The following DIAPH2 variants were observed in gnomAD, a reference collection of about 807,000 sequenced individuals.
DIAPH2 encodes protein diaphanous homolog 2.
DIAPH2 carries 35 observed loss-of-function variants against 92.7 expected under a neutral mutation model. That is an observed-to-expected ratio of 0.38 (90% CI 0.29 to 0.50). DIAPH2 has a LOEUF of 0.50. Ranked by LOEUF, DIAPH2 falls within the 20% of genes least tolerant of loss-of-function variation. DIAPH2 has a pLI of 0.94. For missense variants in DIAPH2, 701 were observed against 819.5 expected (o/e 0.86, Z 1.77); for synonymous variants, 301 against 280.4 (o/e 1.07, Z -0.73).
intron 4 of DIAPH2, among the ~76,000 whole-genome samples, chrX:96,786,968 A>G (rs1360230164): frequency 3.6e-5 from 4 of 112,015 alleles, no homozygotes; most frequent in African/African-American, 6.5e-5. Context: ...TTTGATTTAT[A>G]TGCAAATATT....
chrX:97,352,376 A>G (rs182079184), intron 24 of DIAPH2, among the ~76,000 whole-genome samples: 4 of 111,383 alleles, frequency 3.6e-5, no homozygotes, highest in African/African-American at 1.3e-4. Context: ...AAATGAATGA[A>G]AGCAGAATTG....
At chrX:97,031,320 C>T (rs764620746) in intron 17 of DIAPH2, among the ~76,000 whole-genome samples, 1 of 76,533 alleles carries the variant, frequency 1.3e-5, no homozygotes, top group East Asian at 4.1e-4. Context: ...GAGGAATAAC[C>T]TTAGGCATTC....
intron 4 of DIAPH2, among the ~76,000 whole-genome samples, chrX:96,836,790 C>G (rs1188341271): frequency 1.3e-5 from 1 of 79,697 alleles, no homozygotes; most frequent in Admixed American, 1.6e-4. Flanking sequence ...TGCAGTGGCG[C>G]GATCTCGGCT....
chrX:96,787,934 T>C (rs2064471040), intron 4 of DIAPH2, among the ~76,000 whole-genome samples: 1 of 108,368 alleles, frequency 9.2e-6, no homozygotes, highest in African/African-American at 3.4e-5. Context: ...GGTCTCGAAC[T>C]CCTGACCTCA....
intron 26 of DIAPH2, among the ~76,000 whole-genome samples, chrX:97,594,811 T>C (rs1027031887): frequency 8.9e-6 from 1 of 112,312 alleles, no homozygotes; most frequent in African/African-American, 3.2e-5. Context: ...GGGACTAGTA[T>C]ATAATGTTAG....
intron 3 of DIAPH2, among the ~76,000 whole-genome samples, chrX:96,740,148 T>G (rs762764755): frequency 1.2e-4 from 14 of 112,226 alleles, no homozygotes; most frequent in Non-Finnish European, 2.3e-4. Flanking sequence ...GCTAAACAAT[T>G]TACACTACCT....
chrX:97,287,604 C>G (rs1219045349), intron 23 of DIAPH2, among the ~76,000 whole-genome samples: 3 of 107,559 alleles, frequency 2.8e-5, no homozygotes, highest in African/African-American at 1.0e-4. Flanking sequence ...TTTGTCACCA[C>G]AAACAAACAT....
intron 17 of DIAPH2, among the ~76,000 whole-genome samples, chrX:96,985,990 T>C (rs1335977266): frequency 9.0e-6 from 1 of 111,462 alleles, no homozygotes; most frequent in Non-Finnish European, 1.9e-5. Flanking sequence ...ATGTTTTTTT[T>C]AATGCTGTTT....
chrX:96,737,889 TAAC>T (rs1216407059), intron 2 of DIAPH2, among the ~76,000 whole-genome samples: 1 of 111,694 alleles, frequency 9.0e-6, no homozygotes, highest in African/African-American at 3.3e-5. Flanking sequence ...ATAATAATAG[TAAC>T]AACAATAATA....
chrX:97,207,104 C>A (rs12852036), intron 22 of DIAPH2, among the ~76,000 whole-genome samples: 1 of 110,057 alleles, frequency 9.1e-6, no homozygotes, highest in Non-Finnish European at 1.9e-5. Flanking sequence ...GGCACTCTTT[C>A]TAATCAATCC....
At position 97,102,916 on chromosome X, in the gene DIAPH2, G is replaced by A. The variant is rs1367523680; in HGVS notation, c.2349+3121G>A. Among the ~76,000 whole-genome samples, 3 of 111,359 alleles carry A rather than the reference G, an allele frequency of 2.7e-5. No homozygotes were observed. The Admixed American group carries it at 2.9e-4, about 11-fold the overall frequency. On this transcript the variant is annotated intron_variant, in intron 20 of 26. Transcript: ENST00000324765. ...CATCAGGCCACTGCACTCCAGCCTG[G>A]GCCACAGAGCAAGACTCCGCCTCAA...
At chrX:97,248,977 C>G (rs1352506449) in intron 23 of DIAPH2, among the ~76,000 whole-genome samples, 1 of 110,740 alleles carries the variant, frequency 9.0e-6, no homozygotes, top group Non-Finnish European at 1.9e-5. Flanking sequence ...TGATTGGAGG[C>G]AGGGAATCCA....
chrX:97,015,189 GA>G (rs1173190190), intron 17 of DIAPH2, among the ~76,000 whole-genome samples: 1 of 111,417 alleles, frequency 9.0e-6, no homozygotes, highest in African/African-American at 3.3e-5. Context: ...GATACATGGG[GA>G]AAAAATTAGG....
At chrX:96,761,726 G>A (rs1001745741) in intron 4 of DIAPH2, among the ~76,000 whole-genome samples, 1 of 110,710 alleles carries the variant, frequency 9.0e-6, no homozygotes, top group Non-Finnish European at 1.9e-5. Context: ...AATTGTTAAC[G>A]CAGGCTCACA....
In DIAPH2 at chrX:96,840,229, C is replaced by T. The variant is rs769428772; in HGVS notation, c.448-41350C>T. Among the ~76,000 whole-genome samples, 17 of 111,747 alleles carry T rather than the reference C, an allele frequency of 1.5e-4. No individual in the cohort carries two copies. In the East Asian group the frequency reaches 4.5e-3, roughly 30 times the overall value. ...CTAATGACTTCCATATTGGACAGTG[C>T]AGATCTAGAGTCTCGATTTATTTCC... On this transcript the variant is annotated intron_variant, in intron 4 of 26. Coordinates refer to ENST00000324765, the MANE Select transcript of DIAPH2 (RefSeq NM_006729.5).
At chrX:97,477,660 G>GTA (rs1389779569) in intron 26 of DIAPH2, among the ~76,000 whole-genome samples, 1 of 110,707 alleles carries the variant, frequency 9.0e-6, no homozygotes. Flanking sequence ...GTGTATACAT[G>GTA]TATATATATA....
intron 19 of DIAPH2, among the ~76,000 whole-genome samples, chrX:97,089,374 C>A (rs893386606): frequency 4.5e-5 from 5 of 111,344 alleles, no homozygotes; most frequent in African/African-American, 1.6e-4. Context: ...GGTTAAATGT[C>A]ATCAAGAGGG....
chrX:96,802,202 T>G (rs910509835), intron 4 of DIAPH2, among the ~76,000 whole-genome samples: 1 of 112,281 alleles, frequency 8.9e-6, no homozygotes, highest in Non-Finnish European at 1.9e-5. Context: ...AGTATAACTA[T>G]AGTTTTAAAT....
intron 17 of DIAPH2, among the ~76,000 whole-genome samples, chrX:96,984,409 G>A (rs2066017522): frequency 9.1e-6 from 1 of 110,477 alleles, no homozygotes; most frequent in Admixed American, 9.8e-5. Context: ...TAGGCCGTAA[G>A]TTTCCTCTGG....
Sources: allele counts gnomAD v4.1 joint callset (sites outside exome capture counted in the v4.1 genomes callset), GRCh38; gene constraint gnomAD v4.1.1; transcripts MANE v1.5; gene names NCBI Gene and HGNC (gene_info 2026-07-23, HGNC 2026-07-21).